Variants in HIVEP1 observed in about 807,000 individuals in gnomAD.
The protein encoded by HIVEP1 is HIVEP zinc finger 1.
Under a neutral mutation model 180.0 loss-of-function variants are expected in HIVEP1, and 36 were observed. The observed-to-expected ratio is 0.20, with a 90% CI of 0.15 to 0.26. The LOEUF (loss-of-function observed/expected upper bound fraction) is 0.26, where lower values mean the gene tolerates loss of function less well. Among genes scored for constraint, HIVEP1 ranks in the 10% least tolerant of loss-of-function variants. The pLI, the probability that HIVEP1 is intolerant of heterozygous loss-of-function variation, is 1.00. For synonymous variants in HIVEP1, 1,239 were observed against 1,239.0 expected (o/e 1.00, Z 0.00); for missense variants, 3,143 against 3,268.7 (o/e 0.96, Z 0.94).
rs1287089633 is a variant in HIVEP1 at position 12,120,314 on chromosome 6, G to A, written c.519G>A (p.Arg173=). ...CAAGTTCCTTGTCAAGTAAAACCAG[G>A]ACTGACAATAGCGAATGCATCTCTT... ...CDSSSLSSKT[R]TDNSECISSH... Residue 173 remains arginine (R), a synonymous_variant, in exon 4 of 9, where the codon AGG becomes AGA. Coordinates refer to ENST00000379388, the MANE Select transcript of HIVEP1 (RefSeq NM_002114.4). 6.2e-7 allele frequency: 1 copy of A among 1,614,144 alleles called. No homozygotes were observed. The highest frequency in any genetic ancestry group is 8.5e-7 in the Non-Finnish European group (1 of 1,180,028).
At chr6:12,071,815 C>T (rs1210332626) in intron 2 of HIVEP1, among the ~76,000 whole-genome samples, 1 of 151,974 alleles carries the variant, frequency 6.6e-6, no homozygotes, top group Non-Finnish European at 1.5e-5. Flanking sequence ...TATGGGATGG[C>T]CTTGGGCTTG....
rs1238896192 is a variant in HIVEP1, at chr6:12,163,958, C to T, written c.7654C>T (p.Pro2552Ser). The change falls in exon 9 of 9, where the codon CCC becomes TCC. Residue 2552 changes from proline to serine, a missense_variant. By Grantham distance (74) the Pro-to-Ser change is moderately conservative. Transcript: ENST00000379388. ...PGLQILNIALPTLIPSVSQVA... is the reference protein window; with the variant it reads ...PGLQILNIALSTLIPSVSQVA... ...TCTCCAGATCTTGAACATAGCATTG[C>T]CCACCTTAATCCCCTCAGTCAGTCA... The T allele has an allele frequency of 1.2e-6, 2 of 1,614,076 alleles. No homozygotes were observed. Among genetic ancestry groups the T allele is most frequent in the Non-Finnish European group, 1.7e-6 (2 of 1,180,010 alleles).
Position 12,125,710 on chromosome 6 carries a change from C to T in HIVEP1, c.5915C>T (p.Ala1972Val), listed in dbSNP as rs761387327. The T allele has an allele frequency of 2.5e-6, 4 of 1,614,058 alleles. No homozygotes were observed. Among genetic ancestry groups the T allele is most frequent in the Admixed American group, 1.7e-5 (1 of 60,002 alleles). The change falls in exon 4 of 9, where the codon GCC becomes GTC. Residue 1972 changes from alanine to valine, a missense_variant. Transcript: ENST00000379388. ...GCCTATACTGATTGGACAGTAAGCG[C>T]CAGTAATCCAAATCCACTCGGTTTG... is the stretch of plus-strand genomic sequence containing the variant. ...TSAYTDWTVS[A>V]SNPNPLGLPT...
At chr6:12,051,251 A>C (rs9349070) in intron 2 of HIVEP1, among the ~76,000 whole-genome samples, 52,328 of 151,214 alleles carry the variant, frequency 0.35, 9,484 homozygotes, top group Middle Eastern at 0.62. Context: ...ATATAGGATT[A>C]ATGTATTTCA....
At position 12,164,188 on chromosome 6, in the gene HIVEP1, T is replaced by G; in HGVS notation, c.7884T>G (p.Asp2628Glu). Residue 2628 changes from aspartate (D) to glutamate (E), a missense_variant, in exon 9 of 9, where the codon GAT becomes GAG. Around this residue, in one of 12 missense-constraint regions of HIVEP1, gnomAD observed 595 missense variants for 602.2 expected, o/e 0.99. Coordinates refer to ENST00000379388, the MANE Select transcript of HIVEP1 (RefSeq NM_002114.4). ...CTGCAGGTGACCATGCAAGGCTTGA[T>G]GGCCTGAGTAAAATGGACACAGAGA... ...PAPAGDHARL[D>E]GLSKMDTEKA... 1.9e-6 allele frequency: 3 copies of G among 1,614,216 alleles called. No homozygotes were observed. Among genetic ancestry groups the G allele is most frequent in the Non-Finnish European group, 2.5e-6 (3 of 1,180,042 alleles).
In HIVEP1 at chr6:12,120,094, T is replaced by C; in HGVS notation, c.299T>C (p.Ile100Thr). ...GAGTCTCACAAGAAACAGAATTATA[T>C]TCCTGTAAAAAATGGGAAGCAGTTT... The part of the protein sequence containing the change: ...ASESHKKQNY[I>T]PVKNGKQFTK... The change falls in exon 4 of 9, where the codon ATT becomes ACT. Residue 100 changes from isoleucine (I) to threonine (T), a missense_variant. This residue lies in a region of HIVEP1 where 114 missense variants were observed against 134.5 expected (regional missense o/e 0.85). Transcript: ENST00000379388. 1 of 1,613,088 alleles carries C rather than the reference T, an allele frequency of 6.2e-7. No homozygotes were observed. The highest frequency in any genetic ancestry group is 1.1e-5 in the South Asian group (1 of 90,908).
the HIVEP1 span, among the ~76,000 whole-genome samples, chr6:12,211,959 C>T: frequency 7.2e-5 from 11 of 152,174 alleles, no homozygotes; most frequent in South Asian, 2.3e-3. Context: ...ATATAGCAAC[C>T]AATGCTTTCC....
chr6:12,091,531 C>T (rs1231609790), intron 3 of HIVEP1, among the ~76,000 whole-genome samples: 3 of 151,972 alleles, frequency 2.0e-5, no homozygotes, highest in Non-Finnish European at 4.4e-5. Flanking sequence ...GCAACTTCCT[C>T]ATTAATAGAT....
intron 2 of HIVEP1, among the ~76,000 whole-genome samples, chr6:12,035,105 A>G (rs910259425): frequency 6.6e-6 from 1 of 152,214 alleles, no homozygotes; most frequent in Admixed American, 6.5e-5. Flanking sequence ...ACCAGGATCT[A>G]TATATGGTGG....
At chr6:12,019,960 A>T (rs140631226) in intron 2 of HIVEP1, among the ~76,000 whole-genome samples, 1 of 152,238 alleles carries the variant, frequency 6.6e-6, no homozygotes, top group Admixed American at 6.5e-5. Context: ...ATGGAAGAGT[A>T]TAGAAAGTTT....
At chr6:12,176,900 G>A in the HIVEP1 span, among the ~76,000 whole-genome samples, 1 of 152,104 alleles carries the variant, frequency 6.6e-6, no homozygotes, top group Admixed American at 6.5e-5. Context: ...GCAAAGATAT[G>A]GAATCAACCT....
At chr6:12,101,040 C>T (rs1226610142) in intron 3 of HIVEP1, among the ~76,000 whole-genome samples, 2 of 152,168 alleles carry the variant, frequency 1.3e-5, no homozygotes, top group Non-Finnish European at 2.9e-5. Flanking sequence ...CAGCTTTCTG[C>T]TACTTTTGTA....
intron 3 of HIVEP1, among the ~76,000 whole-genome samples, chr6:12,099,457 C>T (rs1415465384): frequency 3.3e-5 from 5 of 152,108 alleles, no homozygotes; most frequent in Non-Finnish European, 5.9e-5. Context: ...TGAGCCACCG[C>T]GCCCGGCCTC....
the HIVEP1 span, among the ~76,000 whole-genome samples, chr6:12,178,519 A>G: frequency 6.6e-6 from 1 of 152,256 alleles, no homozygotes; most frequent in East Asian, 1.9e-4. Flanking sequence ...CATCTTTAAT[A>G]AAAATGAGAG....
Position 12,114,645 on chromosome 6 carries a change from A to G in HIVEP1, c.95-5245A>G, listed in dbSNP as rs566653291. Reference sequence around the variant, plus strand: ...AAGAATGTGCACGTACACTTAATGTATCATAATTTTCATATTGCTGTGTAA... The same window carrying G: ...AAGAATGTGCACGTACACTTAATGTGTCATAATTTTCATATTGCTGTGTAA... On this transcript the variant is annotated intron_variant, in intron 3 of 8. Coordinates refer to ENST00000379388, the MANE Select transcript of HIVEP1 (RefSeq NM_002114.4). Among the ~76,000 whole-genome samples, 180 of 152,360 alleles carry G rather than the reference A, an allele frequency of 1.2e-3. 1 individual carries two copies. The highest frequency in any genetic ancestry group is 2.0e-3 in the Non-Finnish European group (139 of 68,036).
intron 7 of HIVEP1, among the ~76,000 whole-genome samples, chr6:12,155,320 C>T (rs765832298): frequency 6.6e-6 from 1 of 152,044 alleles, no homozygotes; most frequent in African/African-American, 2.4e-5. Flanking sequence ...CACAGGTAAA[C>T]GTGTGCCATG....
chr6:12,136,329 C>G (rs145776492), intron 7 of HIVEP1, among the ~76,000 whole-genome samples: 2 of 152,122 alleles, frequency 1.3e-5, no homozygotes, highest in African/African-American at 2.4e-5. Flanking sequence ...ACTTAAAACC[C>G]CAGCCCTCAC....
In HIVEP1 at chr6:12,164,427, A is replaced by C. The variant is rs1457759290; in HGVS notation, c.8123A>C (p.Asp2708Ala). 1 of 1,612,766 alleles carries C rather than the reference A, an allele frequency of 6.2e-7. No homozygotes were observed. Among genetic ancestry groups the C allele is most frequent in the African/African-American group, 1.3e-5 (1 of 74,874 alleles). Residue 2708 changes from aspartate (D) to alanine (A), a missense_variant, in exon 9 of 9, where the codon GAT becomes GCT. Coordinates refer to ENST00000379388, the MANE Select transcript of HIVEP1 (RefSeq NM_002114.4). ...GTGCACTTCAGCGACGTGAGCAGCGATGATGACGAGGACAGGCTTGTGATA... is the reference window on the plus strand; with the variant it reads ...GTGCACTTCAGCGACGTGAGCAGCGCTGATGACGAGGACAGGCTTGTGATA... Reference protein sequence around the residue: ...PTVHFSDVSSDDDEDRLVIAT With the variant: ...PTVHFSDVSSADDEDRLVIAT
intron 7 of HIVEP1, among the ~76,000 whole-genome samples, chr6:12,158,216 G>A (rs183680861): frequency 6.6e-6 from 1 of 152,268 alleles, no homozygotes; most frequent in African/African-American, 2.4e-5. Context: ...GAGACCCATG[G>A]AAATTGTTTG....
Sources: gnomAD v4.1 joint callset for allele counts (sites outside exome capture counted in the v4.1 genomes callset) on GRCh38, gnomAD v4.1.1 for gene constraint, gnomAD v4.1.1 regional missense constraint, MANE v1.5 for transcripts, NCBI Gene and HGNC (gene_info 2026-07-23, HGNC 2026-07-21) for gene names.